The following PPARD variants were observed in gnomAD, a reference collection of about 807,000 sequenced individuals.
PPARD encodes the protein peroxisome proliferator-activated receptor delta.
In PPARD, 6 loss-of-function variants were observed where a neutral mutation model predicts 39.5. The observed-to-expected ratio is 0.15, with a 90% CI of 0.08 to 0.30. The LOEUF is 0.30. Ranked by LOEUF, PPARD falls within the 10% of genes least tolerant of loss-of-function variation. The pLI is 1.00. For synonymous variants in PPARD, 210 were observed against 231.3 expected, an observed-to-expected ratio of 0.91 and a Z score of 0.83; for missense variants, 397 against 596.8, an observed-to-expected ratio of 0.67 and a Z score of 3.49.
intron 2 of PPARD, among the ~76,000 whole-genome samples, chr6:35,353,200 G>A (rs1426624590): frequency 6.6e-6 from 1 of 152,168 alleles, no homozygotes; most frequent in Non-Finnish European, 1.5e-5. Flanking sequence ...TTTGGGCAAT[G>A]GGGGAGCCAT....
chr6:35,384,042 G>T (rs1282546776), intron 2 of PPARD, among the ~76,000 whole-genome samples: 6 of 148,234 alleles, frequency 4.0e-5, no homozygotes, highest in Non-Finnish European at 8.9e-5. Flanking sequence ...GGAGGTGGGG[G>T]GGTCAGCCCC....
At chr6:35,394,230 G>A (rs1489030350) in intron 2 of PPARD, among the ~76,000 whole-genome samples, 3 of 152,138 alleles carry the variant, frequency 2.0e-5, no homozygotes, top group Non-Finnish European at 2.9e-5. Context: ...TCGCGGATGC[G>A]CAGCTCGGCC....
At chr6:35,416,299 G>A (rs1165600099) in intron 3 of PPARD, among the ~76,000 whole-genome samples, 2 of 132,116 alleles carry the variant, frequency 1.5e-5, no homozygotes, top group Non-Finnish European at 3.1e-5. Flanking sequence ...GCTTGAACCC[G>A]GGAGGCAGAA....
chr6:35,408,044 C>T (rs1765170727), intron 2 of PPARD, among the ~76,000 whole-genome samples: 1 of 152,190 alleles, frequency 6.6e-6, no homozygotes, highest in Non-Finnish European at 1.5e-5. Flanking sequence ...TGGAGGCCGG[C>T]ATTGCAGGGT....
At chr6:35,396,779 G>A (rs1415488192) in intron 2 of PPARD, among the ~76,000 whole-genome samples, 2 of 151,896 alleles carry the variant, frequency 1.3e-5, no homozygotes, top group South Asian at 2.1e-4. Context: ...GCAGTGAGCC[G>A]AGATTGCACC....
Position 35,395,238 on chromosome 6 carries a change from G to A in PPARD, c.-101-15749G>A, listed in dbSNP as rs540075350. 2.0e-5 allele frequency among the ~76,000 whole-genome samples: 3 copies of A among 152,306 alleles called. No homozygotes were observed. The East Asian group carries it at 5.8e-4, about 29-fold the overall frequency. ...CGCTCTTCAGGTTTACAGACAATATGAGACAAGGGATTGTTTGCGCTTTAG... is the reference window on the plus strand; with the variant it reads ...CGCTCTTCAGGTTTACAGACAATATAAGACAAGGGATTGTTTGCGCTTTAG... On this transcript the variant is annotated intron_variant, in intron 2 of 7. Coordinates refer to ENST00000360694, the MANE Select transcript of PPARD (RefSeq NM_006238.5).
chr6:35,424,114 G>A lies in PPARD; in HGVS notation c.593G>A (p.Arg198His), dbSNP rs768763586. 20 of 1,613,352 alleles carry A rather than the reference G, an allele frequency of 1.2e-5. No individual in the cohort carries two copies. In the African/African-American group the frequency reaches 1.7e-4, roughly 14 times the overall value. ...KNFNMTKKKA[R>H]SILTGKASHT... ...TTCAACATGACCAAAAAGAAGGCCC[G>A]CAGCATCCTCACCGGCAAAGCCAGC... The change falls in exon 6 of 8, where the codon CGC (arginine) becomes CAC (histidine). Residue 198 changes from arginine (R) to histidine (H), a missense_variant. By Grantham distance (29) the Arg-to-His change is conservative (BLOSUM62 0). Transcript: ENST00000360694. This position sits in a 1 kb window ranked among gnomAD's most constrained non-coding sequence, Gnocchi z 7.1.
chr6:35,416,335 TTG>T (rs1765762033), intron 3 of PPARD, among the ~76,000 whole-genome samples: 1 of 128,926 alleles, frequency 7.8e-6, no homozygotes, highest in Non-Finnish European at 1.5e-5. Context: ...GATCGCGCCA[TTG>T]CACTCCAGCC....
At chr6:35,349,644 G>A (rs994986867) in intron 2 of PPARD, among the ~76,000 whole-genome samples, 1 of 151,876 alleles carries the variant, frequency 6.6e-6, no homozygotes, top group Non-Finnish European at 1.5e-5. Context: ...GACTACAGGT[G>A]CACACCACTG....
intron 2 of PPARD, among the ~76,000 whole-genome samples, chr6:35,377,396 A>G (rs1018373204): frequency 4.6e-5 from 7 of 152,140 alleles, no homozygotes; most frequent in Non-Finnish European, 7.4e-5. Context: ...AGTTTGTTCA[A>G]ATGCTTAGCG....
chr6:35,355,383 C>A (rs35927645), intron 2 of PPARD, among the ~76,000 whole-genome samples: 2 of 151,692 alleles, frequency 1.3e-5, no homozygotes, highest in Non-Finnish European at 2.9e-5. Flanking sequence ...GAAACCCCGT[C>A]TCTACAAAAA....
At chr6:35,352,345 G>A (rs1459783764) in intron 2 of PPARD, among the ~76,000 whole-genome samples, 11 of 151,878 alleles carry the variant, frequency 7.2e-5, no homozygotes, top group Admixed American at 6.6e-4. Context: ...CCCAATGCCC[G>A]GCTAATTTTT....
At chr6:35,344,802 T>G (rs951227065) in intron 1 of PPARD, among the ~76,000 whole-genome samples, 1 of 152,186 alleles carries the variant, frequency 6.6e-6, no homozygotes, top group Admixed American at 6.5e-5. Flanking sequence ...GTACACTGTT[T>G]TCTGTGAAAG....
At chr6:35,346,261 TG>T (rs1419813393) in intron 1 of PPARD, among the ~76,000 whole-genome samples, 1 of 152,186 alleles carries the variant, frequency 6.6e-6, no homozygotes, top group African/African-American at 2.4e-5. Context: ...GCTGGGAAGC[TG>T]AACAGTGGTG....
rs1401982197 is a variant in PPARD at position 35,363,665 on chromosome 6, G to A, written c.-102+16515G>A. Among the ~76,000 whole-genome samples, 2 of 152,154 alleles carry A rather than the reference G, an allele frequency of 1.3e-5. No homozygotes were observed. Among genetic ancestry groups the A allele is most frequent in the Admixed American group, 1.3e-4 (2 of 15,266 alleles). On this transcript the variant is annotated intron_variant, in intron 2 of 7. Coordinates refer to ENST00000360694, the MANE Select transcript of PPARD (RefSeq NM_006238.5). This position sits in a 1 kb window ranked among gnomAD's most constrained non-coding sequence, Gnocchi z 4.5. Reference sequence around the variant, plus strand: ...GAGTCAGAAAGTGGGAAGTCACGGGGGAGATGAAGGGCGAGTGAGCAGCTA... The same window carrying A: ...GAGTCAGAAAGTGGGAAGTCACGGGAGAGATGAAGGGCGAGTGAGCAGCTA...
At chr6:35,370,181 T>C (rs7754530) in intron 2 of PPARD, among the ~76,000 whole-genome samples, 1 of 152,174 alleles carries the variant, frequency 6.6e-6, no homozygotes, top group South Asian at 2.1e-4. Flanking sequence ...GTCTGTGTCC[T>C]GACCCTGTCT....
intron 3 of PPARD, among the ~76,000 whole-genome samples, chr6:35,416,986 TA>T (rs1246983336): frequency 2.6e-5 from 4 of 152,208 alleles, no homozygotes; most frequent in Admixed American, 6.5e-5. Context: ...TTTGTTTATT[TA>T]TTTTTTTGAG....
Position 35,425,695 on chromosome 6 carries a change from C to T in PPARD, c.1079-137C>T. 7.7e-7 allele frequency: 1 copy of T among 1,290,340 alleles called. No homozygotes were observed. Among genetic ancestry groups the T allele is most frequent in the Non-Finnish European group, 1.1e-6 (1 of 937,480 alleles). The allele number at this position is 1,290,340 out of a possible 1,614,324, so 79.9% of individuals were successfully genotyped here. On this transcript the variant is annotated intron_variant, in intron 7 of 7. Transcript: ENST00000360694. This position sits in a 1 kb window ranked among gnomAD's most constrained non-coding sequence, Gnocchi z 4.5. ...AGGGAGATTAGAACACCCAGTGGAGCATTGCTGATGGGACAGGGCTTGGTC... is the reference window on the plus strand; with the variant it reads ...AGGGAGATTAGAACACCCAGTGGAGTATTGCTGATGGGACAGGGCTTGGTC...
intron 2 of PPARD, among the ~76,000 whole-genome samples, chr6:35,375,695 G>T (rs1356506680): frequency 6.6e-6 from 1 of 151,938 alleles, no homozygotes; most frequent in Non-Finnish European, 1.5e-5. Context: ...GATTATAGGT[G>T]CACACCACCA....
Sources: gnomAD v4.1 joint callset for allele counts (sites outside exome capture counted in the v4.1 genomes callset) on GRCh38, gnomAD v4.1.1 for gene constraint, Gnocchi (gnomAD v3.1) non-coding constraint, MANE v1.5 for transcripts, NCBI Gene and HGNC (gene_info 2026-07-23, HGNC 2026-07-21) for gene names.